The following UBOX5 variants were observed in gnomAD, a reference collection of about 807,000 sequenced individuals.
The protein encoded by UBOX5 is RING finger protein 37.
A neutral mutation model predicts 39.0 loss-of-function variants in UBOX5; 28 were observed. The observed-to-expected ratio is 0.72, with a 90% confidence interval of 0.53 to 0.98. The LOEUF (loss-of-function observed/expected upper bound fraction) is 0.98, where lower values mean the gene tolerates loss of function less well. UBOX5 is among the 50% of genes least tolerant of loss of function. The pLI, the probability that UBOX5 is intolerant of heterozygous loss-of-function variation, is 0.00. For missense variants in UBOX5, 585 were observed against 674.4 expected, an observed-to-expected ratio of 0.87 and a Z score of 1.47; for synonymous variants, 283 against 275.5, an observed-to-expected ratio of 1.03 and a Z score of -0.27.
intron 1 of UBOX5, among the ~76,000 whole-genome samples, chr20:3,143,791 C>CA (rs984563598): frequency 2.0e-5 from 3 of 150,394 alleles, no homozygotes; most frequent in East Asian, 1.9e-4. Flanking sequence ...GACTCCGTCT[C>CA]AAAAAAACAA....
chr20:3,137,320 C>T (rs2066479878), intron 1 of UBOX5, among the ~76,000 whole-genome samples: 1 of 152,128 alleles, frequency 6.6e-6, no homozygotes, highest in African/African-American at 2.4e-5. Context: ...TGTTAAAAAA[C>T]AATACAGAGA....
In UBOX5 at chr20:3,148,423, T is replaced by C. The variant is rs114709823; in HGVS notation, c.-42+11343A>G. 131 of 1,614,148 alleles carry C rather than the reference T, an allele frequency of 8.1e-5. No homozygotes were observed. In the African/African-American group the frequency reaches 1.5e-3, roughly 18 times the overall value. The stretch of plus-strand genomic sequence containing the variant: ...GCATTGAATGGGAGTGAGGGATTCC[T>C]AAAATGACAAAAGCTTTCAAAACAT... On this transcript the variant is annotated intron_variant, in intron 1 of 4. Transcript: ENST00000217173.
At chr20:3,139,231 AC>A (rs1370360022) in intron 1 of UBOX5, among the ~76,000 whole-genome samples, 2 of 152,128 alleles carry the variant, frequency 1.3e-5, no homozygotes, top group Non-Finnish European at 2.9e-5. Context: ...CCACACAGTT[AC>A]CCACCAGTGA....
intron 1 of UBOX5, chr20:3,146,639 C>T: frequency 9.9e-7 from 1 of 1,010,190 alleles, no homozygotes. Context: ...CTAGCTCTAA[C>T]CTGCCTTGGA....
chr20:3,156,815 T>C (rs2066691161), intron 1 of UBOX5: 1 of 152,168 alleles, frequency 6.6e-6, no homozygotes, highest in Non-Finnish European at 1.5e-5. Context: ...TAAGACACCT[T>C]AAACACATAC....
At chr20:3,145,147 A>G (rs1183610636) in intron 1 of UBOX5, among the ~76,000 whole-genome samples, 2 of 152,014 alleles carry the variant, frequency 1.3e-5, no homozygotes, top group Non-Finnish European at 1.5e-5. Context: ...AATATAAGTG[A>G]AGCTTTGAGA....
intron 4 of UBOX5, among the ~76,000 whole-genome samples, chr20:3,113,216 A>T (rs2148586328): frequency 6.6e-6 from 1 of 151,324 alleles, no homozygotes; most frequent in African/African-American, 2.4e-5. Flanking sequence ...TGAACCCAGG[A>T]AGTGGAGGTT....
intron 3 of UBOX5, chr20:3,116,575 G>C (rs1386718951): frequency 6.6e-6 from 1 of 152,212 alleles, no homozygotes; most frequent in Non-Finnish European, 1.5e-5. Flanking sequence ...ACAGGACTGA[G>C]ACCTCCACAA....
chr20:3,121,459 T>G lies in UBOX5; in HGVS notation c.1180A>C (p.Thr394Pro), dbSNP rs753070262. The G allele has an allele frequency of 1.9e-6, 3 of 1,614,044 alleles. No homozygotes were observed. The South Asian group carries it at 3.3e-5, about 18-fold the overall frequency. Residue 394 changes from threonine to proline, a missense_variant, in exon 3 of 5, where the codon ACT (threonine) becomes CCT (proline). Thr to Pro is a conservative substitution (Grantham distance 38, BLOSUM62 -1). Transcript: ENST00000217173. ...FSATSPLVLPTTSEHTAKKMK... is the reference protein window; with the variant it reads ...FSATSPLVLPPTSEHTAKKMK... Reference sequence around the variant, plus strand: ...TTCTTAGCAGTGTGCTCTGAGGTAGTGGGTAAGACCAAAGGGCTTGTGGCA... The same window carrying G: ...TTCTTAGCAGTGTGCTCTGAGGTAGGGGGTAAGACCAAAGGGCTTGTGGCA...
chr20:3,136,169 C>T (rs1462897175), intron 1 of UBOX5: 2 of 151,934 alleles, frequency 1.3e-5, no homozygotes, highest in African/African-American at 4.8e-5. Flanking sequence ...GTACTAACTA[C>T]TTAGGAATAA....
intron 3 of UBOX5, among the ~76,000 whole-genome samples, chr20:3,117,731 C>T (rs1316924493): frequency 6.6e-6 from 1 of 151,892 alleles, no homozygotes; most frequent in Non-Finnish European, 1.5e-5. Flanking sequence ...GTGGCTCACA[C>T]TTGTAATCCC....
intron 1 of UBOX5, chr20:3,147,684 G>A: frequency 6.2e-7 from 1 of 1,614,238 alleles, no homozygotes; most frequent in Non-Finnish European, 8.5e-7. Context: ...TTGAATTCAG[G>A]CATCTTTCTG....
In UBOX5 at chr20:3,107,626, G is replaced by C. The variant is rs2066221024; in HGVS notation, c.*2480C>G. On this transcript the variant is annotated 3_prime_UTR_variant, in exon 5 of 5. Coordinates refer to ENST00000217173, the MANE Select transcript of UBOX5 (RefSeq NM_014948.4). This position sits in a 1 kb window ranked among gnomAD's most constrained non-coding sequence, Gnocchi z 5.0. ...TTCTAGGGGACAGAAACAGAGCCCA[G>C]TGGTGCCTAGCATGTTTCTGGCAAG... is the stretch of plus-strand genomic sequence containing the variant. The C allele has an allele frequency of 1.3e-5, 2 of 152,224 alleles. No individual in the cohort carries two copies. Among genetic ancestry groups the C allele is most frequent in the African/African-American group, 2.4e-5 (1 of 41,450 alleles). 9.4% of individuals were successfully genotyped at this position (152,224 alleles called of 1,614,324 possible). A position where few individuals can be genotyped will look rare whatever the true frequency, so the allele number is the denominator to read the frequency against.
At chr20:3,117,958 C>T (rs1179245841) in intron 3 of UBOX5, among the ~76,000 whole-genome samples, 1 of 152,006 alleles carries the variant, frequency 6.6e-6, no homozygotes, top group Non-Finnish European at 1.5e-5. Flanking sequence ...CGACACTGCA[C>T]TCCAGCCAGG....
At chr20:3,144,811 T>C (rs1284630003) in intron 1 of UBOX5, among the ~76,000 whole-genome samples, 1 of 152,200 alleles carries the variant, frequency 6.6e-6, no homozygotes, top group Non-Finnish European at 1.5e-5. Flanking sequence ...ACACATAGCA[T>C]GTTTCCTTCT....
At chr20:3,127,835 C>T (rs887262837) in intron 1 of UBOX5, among the ~76,000 whole-genome samples, 4 of 152,130 alleles carry the variant, frequency 2.6e-5, no homozygotes, top group African/African-American at 4.8e-5. Flanking sequence ...CACACATTAG[C>T]GTGTGTACAT....
At chr20:3,146,915 T>C (rs2066569399) in intron 1 of UBOX5, 3 of 1,614,078 alleles carry the variant, frequency 1.9e-6, no homozygotes, top group East Asian at 4.5e-5. Context: ...CCTCTTCATA[T>C]TGTGCAGTCC....
intron 1 of UBOX5, among the ~76,000 whole-genome samples, chr20:3,156,015 G>A (rs1412568577): frequency 6.6e-6 from 1 of 152,172 alleles, no homozygotes; most frequent in Admixed American, 6.5e-5. Flanking sequence ...AAGAACAGTA[G>A]GGAGAAAAGA....
chr20:3,150,703 G>A (rs770801898), intron 1 of UBOX5: 2 of 152,154 alleles, frequency 1.3e-5, no homozygotes, highest in Non-Finnish European at 1.5e-5. Context: ...AGAGCCCATA[G>A]CACATCATCA....
Sources: allele counts gnomAD v4.1 joint callset (sites outside exome capture counted in the v4.1 genomes callset), GRCh38; gene constraint gnomAD v4.1.1; non-coding constraint Gnocchi (gnomAD v3.1); transcripts MANE v1.5; gene names NCBI Gene and HGNC (gene_info 2026-07-23, HGNC 2026-07-21).